The following ZNF705A variants were observed in gnomAD, a reference collection of about 807,000 sequenced individuals.
The protein encoded by ZNF705A is zinc finger protein 705A.
In ZNF705A, 8 loss-of-function variants were observed where a neutral mutation model predicts 16.6. That is an observed-to-expected ratio of 0.48 (90% CI 0.28 to 0.87). ZNF705A has a LOEUF of 0.87. ZNF705A is among the 40% of genes least tolerant of loss of function. The pLI, the probability that ZNF705A is intolerant of heterozygous loss-of-function variation, is 0.10. For synonymous variants in ZNF705A, 73 were observed against 117.3 expected, an observed-to-expected ratio of 0.62 and a Z score of 2.44; for missense variants, 233 against 359.9, an observed-to-expected ratio of 0.65 and a Z score of 2.85.
chr12:8,170,195 C>G (rs144679128), upstream of ZNF705A, among the ~76,000 whole-genome samples: 766 of 126,130 alleles, frequency 6.1e-3, 26 homozygotes, highest in South Asian at 8.6e-3. Flanking sequence ...CCCCCCCCCC[C>G]CAAAAAAAAA....
Position 8,177,476 on chromosome 12 carries a change from A to T in ZNF705A, c.796A>T (p.Ser266Cys), listed in dbSNP as rs762151186. The T allele has an allele frequency of 1.7e-5, 27 of 1,612,176 alleles. No homozygotes were observed. Among genetic ancestry groups the T allele is most frequent in the Non-Finnish European group, 1.7e-6 (2 of 1,179,988 alleles). Residue 266 changes from serine to cysteine, a missense_variant, in exon 5 of 5, where the codon AGT (serine) becomes TGT (cysteine). By Grantham distance (112) the Ser-to-Cys change is moderately radical (BLOSUM62 -1). Around this residue, in one of 3 missense-constraint regions of ZNF705A, gnomAD observed 220 missense variants for 271.4 expected, o/e 0.81. Coordinates refer to ENST00000359286, the Ensembl canonical transcript of ZNF705A. ...ATGTGATAAAAGTGGGAAAGCCTTTAGTCAAAGCTCTGGCTTTAGAGGAAA... is the reference window on the plus strand; with the variant it reads ...ATGTGATAAAAGTGGGAAAGCCTTTTGTCAAAGCTCTGGCTTTAGAGGAAA...
At chr12:8,166,317 C>T (rs1206614904) in intron 1 of ZNF705A, among the ~76,000 whole-genome samples, 1 of 152,206 alleles carries the variant, frequency 6.6e-6, no homozygotes, top group Admixed American at 6.5e-5. Flanking sequence ...GTGAAGGCTT[C>T]TGATATGGTT....
exon 5 of ZNF705A, chr12:8,179,750 A>G (rs953688844): frequency 3.9e-5 from 6 of 152,332 alleles, no homozygotes; most frequent in African/African-American, 1.4e-4. Context: ...CAGAGCTCAT[A>G]TCATTATTTA....
upstream of ZNF705A, among the ~76,000 whole-genome samples, chr12:8,169,841 G>A (rs963029104): frequency 2.0e-5 from 3 of 152,156 alleles, no homozygotes; most frequent in South Asian, 2.1e-4. Context: ...TACAGTTGCC[G>A]TTAAAACATT....
At chr12:8,165,314 G>A (rs1442333016) in intron 1 of ZNF705A, among the ~76,000 whole-genome samples, 5 of 123,572 alleles carry the variant, frequency 4.0e-5, no homozygotes, top group Admixed American at 1.0e-4. Flanking sequence ...ATGGAGTCTC[G>A]CTCTGTCACC....
At chr12:8,176,077 C>T (rs1948482505) in intron 4 of ZNF705A, 135 bp downstream of exon 5, 1 of 1,379,412 alleles carries the variant, frequency 7.2e-7, no homozygotes. Context: ...AAATTGAATA[C>T]TTTGAATTTA....
exon 5 of ZNF705A, chr12:8,177,059 C>A (rs1369838784): frequency 6.2e-7 from 1 of 1,610,548 alleles, no homozygotes; most frequent in Non-Finnish European, 8.5e-7. Flanking sequence ...AGATTGCACT[C>A]ACAGTTCCAC....
upstream of ZNF705A, among the ~76,000 whole-genome samples, chr12:8,170,863 G>A (rs1196037972): frequency 8.5e-5 from 13 of 152,288 alleles, no homozygotes; most frequent in Non-Finnish European, 1.3e-4. Flanking sequence ...AAAAGTGCTT[G>A]TTGAAGTCTG....
At chr12:8,159,974 G>C (rs776372773) in intron 1 of ZNF705A, among the ~76,000 whole-genome samples, 24 of 152,054 alleles carry the variant, frequency 1.6e-4, no homozygotes, top group Admixed American at 9.2e-4. Context: ...GTTTAAGTCT[G>C]TAATCCATCT....
At chr12:8,160,001 T>C (rs1948340618) in intron 1 of ZNF705A, among the ~76,000 whole-genome samples, 1 of 152,200 alleles carries the variant, frequency 6.6e-6, no homozygotes, top group African/African-American at 2.4e-5. Flanking sequence ...GATTTTTGTA[T>C]AAAGTGAAAG....
intron 1 of ZNF705A, among the ~76,000 whole-genome samples, chr12:8,161,081 G>A (rs1201734551): frequency 6.6e-6 from 1 of 152,120 alleles, no homozygotes; most frequent in Non-Finnish European, 1.5e-5. Context: ...CTATTGAGAT[G>A]ATCATGTGAT....
At chr12:8,166,390 G>A (rs774179244) in intron 1 of ZNF705A, among the ~76,000 whole-genome samples, 3 of 152,274 alleles carry the variant, frequency 2.0e-5, no homozygotes, top group South Asian at 2.1e-4. Flanking sequence ...CACATGTTGT[G>A]GGGGGACCCA....
At position 8,177,335 on chromosome 12, in the gene ZNF705A, G is replaced by A. The variant is rs200363582; in HGVS notation, c.655G>A (p.Glu219Lys). ...TCAGTGTTCTCACCTTAGAAGACAT[G>A]AGAAAACTCACACGGGAGAGAGACC... Residue 219 changes from glutamate to lysine, a missense_variant, in exon 5 of 5, where the codon GAG becomes AAG. This residue lies in a region of ZNF705A where 220 missense variants were observed against 271.4 expected (regional missense o/e 0.81). Coordinates refer to ENST00000359286, the Ensembl canonical transcript of ZNF705A. 2.0e-4 allele frequency: 319 copies of A among 1,611,804 alleles called. No individual in the cohort carries two copies. The highest frequency in any genetic ancestry group is 2.5e-4 in the Non-Finnish European group (295 of 1,179,808).
chr12:8,163,748 T>A (rs1242923968), intron 1 of ZNF705A, among the ~76,000 whole-genome samples: 1 of 152,156 alleles, frequency 6.6e-6, no homozygotes, highest in Non-Finnish European at 1.5e-5. Flanking sequence ...CCCTTCCAGC[T>A]CTCTGTTCTG....
At chr12:8,171,264 T>C (rs944421734), upstream of ZNF705A, among the ~76,000 whole-genome samples, 2 of 152,236 alleles carry the variant, frequency 1.3e-5, no homozygotes, top group Non-Finnish European at 2.9e-5. Flanking sequence ...TGACACATAA[T>C]TATCACTTGT....
chr12:8,174,196 A>G, intron 1 of ZNF705A, 130 bp from the exon 3 acceptor site: 1 of 1,565,566 alleles, frequency 6.4e-7, no homozygotes, highest in Non-Finnish European at 8.6e-7. Context: ...AGTACTGAGA[A>G]TGAACTGGCT....
chr12:8,176,250 G>A (rs1948483468), intron 4 of ZNF705A, among the ~76,000 whole-genome samples: 1 of 152,184 alleles, frequency 6.6e-6, no homozygotes, highest in Admixed American at 6.5e-5. Flanking sequence ...ATCTGTGTCT[G>A]CAGGAGATAA....
At chr12:8,158,285 C>A (rs1486014092) in intron 1 of ZNF705A, among the ~76,000 whole-genome samples, 2 of 152,104 alleles carry the variant, frequency 1.3e-5, no homozygotes, top group Non-Finnish European at 2.9e-5. Context: ...TAAACCCCTT[C>A]TTAGTCAATC....
At chr12:8,170,596 C>G (rs977532311), upstream of ZNF705A, among the ~76,000 whole-genome samples, 10 of 152,140 alleles carry the variant, frequency 6.6e-5, no homozygotes, top group African/African-American at 2.4e-4. Context: ...CTCTAAAGCC[C>G]AAATCTTATT....
Sources: allele counts gnomAD v4.1 joint callset (sites outside exome capture counted in the v4.1 genomes callset), GRCh38; gene constraint gnomAD v4.1.1; regional missense constraint gnomAD v4.1.1; transcripts MANE v1.5; gene names NCBI Gene and HGNC (gene_info 2026-07-23, HGNC 2026-07-21).